Variants in LDLRAD3 observed in about 807,000 individuals in gnomAD.
The protein encoded by LDLRAD3 is low density lipoprotein receptor class A domain containing 3, also known as low-density lipoprotein receptor class A domain-containing protein 3.
A neutral mutation model predicts 29.4 loss-of-function variants in LDLRAD3; 20 were observed. The ratio of observed to expected loss-of-function variants is 0.68; its 90% CI spans 0.48 to 0.99. The LOEUF is 0.99. LDLRAD3 is among the 50% of genes least tolerant of loss of function. The pLI, the probability that LDLRAD3 is intolerant of heterozygous loss-of-function variation, is 0.00. For synonymous variants in LDLRAD3, 157 were observed against 192.7 expected (o/e 0.81, Z 1.53); for missense variants, 420 against 454.3 (o/e 0.92, Z 0.69).
intron 4 of LDLRAD3, among the ~76,000 whole-genome samples, chr11:36,154,614 TC>T (rs1854321963): frequency 6.6e-6 from 1 of 152,152 alleles, no homozygotes; most frequent in Non-Finnish European, 1.5e-5. Context: ...CCCGTTATTT[TC>T]CCCCATTCCA....
intron 1 of LDLRAD3, among the ~76,000 whole-genome samples, chr11:35,992,513 T>C (rs1271373774): frequency 6.6e-6 from 1 of 152,166 alleles, no homozygotes; most frequent in Non-Finnish European, 1.5e-5. Flanking sequence ...TATTCAGCCA[T>C]ACAAAGGAAC....
intron 4 of LDLRAD3, among the ~76,000 whole-genome samples, chr11:36,191,704 G>A (rs558617929): frequency 6.6e-6 from 1 of 151,538 alleles, no homozygotes; most frequent in Non-Finnish European, 1.5e-5. Context: ...ATGAATCTGG[G>A]AAAGACTTTG....
chr11:36,228,983 G>A (rs934453334), intron 5 of LDLRAD3, among the ~76,000 whole-genome samples, 177 bp from the exon 6 acceptor site: 12 of 152,232 alleles, frequency 7.9e-5, no homozygotes, highest in African/African-American at 2.9e-4. Context: ...GGCCTTTTCT[G>A]TTCCGATGTG....
At chr11:36,170,565 T>C (rs576338289) in intron 4 of LDLRAD3, among the ~76,000 whole-genome samples, 2 of 152,202 alleles carry the variant, frequency 1.3e-5, no homozygotes, top group South Asian at 2.1e-4. Flanking sequence ...CTTTTAGTTC[T>C]TTAAGGAATC....
chr11:36,020,510 C>G (rs1449941126), intron 1 of LDLRAD3, among the ~76,000 whole-genome samples: 1 of 151,808 alleles, frequency 6.6e-6, no homozygotes, highest in Non-Finnish European at 1.5e-5. Context: ...CCTTCTTTTT[C>G]TCTCTCCATT....
At chr11:35,999,949 G>C (rs1851802596) in intron 1 of LDLRAD3, among the ~76,000 whole-genome samples, 1 of 152,184 alleles carries the variant, frequency 6.6e-6, no homozygotes, top group South Asian at 2.1e-4. Context: ...TTGCAGGTCT[G>C]TCTGCAGTGG....
chr11:36,189,376 T>C (rs12049804), intron 4 of LDLRAD3, among the ~76,000 whole-genome samples: 44,023 of 151,688 alleles, frequency 0.29, 6,455 homozygotes, highest in East Asian at 0.35. Context: ...CCCAGCTACA[T>C]GAGAGGCTGA....
At chr11:35,957,143 C>G (rs550999741) in intron 1 of LDLRAD3, among the ~76,000 whole-genome samples, 7 of 152,344 alleles carry the variant, frequency 4.6e-5, no homozygotes, top group Middle Eastern at 3.4e-3. Context: ...ACATAACATA[C>G]AGTCTACCAC....
chr11:36,033,078 T>C (rs961125544), intron 1 of LDLRAD3, among the ~76,000 whole-genome samples: 6 of 152,054 alleles, frequency 3.9e-5, no homozygotes, highest in African/African-American at 1.4e-4. Context: ...TTCACCATGT[T>C]GGTAGGCTGG....
At chr11:35,947,529 C>T (rs1194305544) in intron 1 of LDLRAD3, among the ~76,000 whole-genome samples, 2 of 152,000 alleles carry the variant, frequency 1.3e-5, no homozygotes, top group African/African-American at 4.8e-5. Flanking sequence ...AAGAATTGGC[C>T]TTTACAACCT....
At chr11:36,178,260 T>C (rs578000188) in intron 4 of LDLRAD3, among the ~76,000 whole-genome samples, 19 of 152,318 alleles carry the variant, frequency 1.2e-4, no homozygotes, top group Admixed American at 7.8e-4. Context: ...TGGAGAAGAA[T>C]TAAGGCCTCC....
intron 4 of LDLRAD3, among the ~76,000 whole-genome samples, chr11:36,116,573 C>T (rs1171405729): frequency 6.6e-6 from 1 of 152,040 alleles, no homozygotes; most frequent in East Asian, 1.9e-4. Flanking sequence ...CAGTGTTAGG[C>T]ACCTGGGATG....
At chr11:36,092,605 T>C (rs1048406766) in intron 3 of LDLRAD3, among the ~76,000 whole-genome samples, 23 of 152,338 alleles carry the variant, frequency 1.5e-4, no homozygotes, top group African/African-American at 5.5e-4. Context: ...CTTTTGGAAT[T>C]CTTGAGGTTG....
intron 4 of LDLRAD3, among the ~76,000 whole-genome samples, chr11:36,130,046 A>G (rs987660424): frequency 3.3e-5 from 5 of 152,202 alleles, no homozygotes; most frequent in African/African-American, 1.2e-4. Flanking sequence ...GGCTCAGTCA[A>G]TATTTGTTGA....
intron 4 of LDLRAD3, among the ~76,000 whole-genome samples, chr11:36,142,665 A>C (rs889511041): frequency 6.6e-6 from 1 of 152,164 alleles, no homozygotes; most frequent in African/African-American, 2.4e-5. Context: ...CACCCGGTGC[A>C]GCCGGTGAAG....
At chr11:36,166,015 TCTCCTCTCCTCC>T (rs1007919787) in intron 4 of LDLRAD3, among the ~76,000 whole-genome samples, 3 of 117,956 alleles carry the variant, frequency 2.5e-5, no homozygotes, top group Non-Finnish European at 4.9e-5. Flanking sequence ...TATTCCATCC[TCTCCTCTCCTCC>T]CTCCTCTCCC....
intron 2 of LDLRAD3, among the ~76,000 whole-genome samples, chr11:36,045,114 A>G (rs752255930): frequency 1.3e-5 from 2 of 152,176 alleles, no homozygotes; most frequent in East Asian, 1.9e-4. Flanking sequence ...CTTGTGGCCT[A>G]TCATGAGGAC....
At chr11:36,130,284 G>A (rs1853906576) in intron 4 of LDLRAD3, among the ~76,000 whole-genome samples, 1 of 152,172 alleles carries the variant, frequency 6.6e-6, no homozygotes, top group South Asian at 2.1e-4. Context: ...CCGGTGGAGG[G>A]AGCAGCATTT....
intron 1 of LDLRAD3, among the ~76,000 whole-genome samples, chr11:35,993,257 G>A (rs1851711520): frequency 6.6e-6 from 1 of 152,204 alleles, no homozygotes; most frequent in African/African-American, 2.4e-5. Context: ...GTACCAGCAA[G>A]GAATAGCCTC....
Sources: gnomAD v4.1 joint callset for allele counts (sites outside exome capture counted in the v4.1 genomes callset) on GRCh38, gnomAD v4.1.1 for gene constraint, MANE v1.5 for transcripts, NCBI Gene and HGNC (gene_info 2026-07-23, HGNC 2026-07-21) for gene names.